The following TBC1D30 variants were observed in gnomAD, a reference collection of about 807,000 sequenced individuals.
The protein encoded by TBC1D30 is TBC1 domain family member 30, also known as TBC1 domain family, member 30.
TBC1D30 carries 31 observed loss-of-function variants against 63.2 expected under a neutral mutation model. That is an observed-to-expected ratio of 0.49 (90% CI 0.37 to 0.66). The LOEUF (loss-of-function observed/expected upper bound fraction) is 0.66. Ranked by LOEUF, TBC1D30 falls within the 30% of genes least tolerant of loss-of-function variation. The probability of loss-of-function intolerance (pLI) is 0.00; values close to 1 mark genes in which losing one functional copy is unlikely to be tolerated. For synonymous variants in TBC1D30, 307 were observed against 361.5 expected (o/e 0.85, Z 1.71); for missense variants, 810 against 953.6 (o/e 0.85, Z 1.98).
chr12:64,784,437 T>G (rs1278649849), intron 1 of TBC1D30, among the ~76,000 whole-genome samples: 2 of 152,048 alleles, frequency 1.3e-5, no homozygotes, highest in East Asian at 3.9e-4. Context: ...TTTCTACTTT[T>G]GAGCATTTAT....
Position 64,826,227 on chromosome 12 carries a change from G to T in TBC1D30, c.154+1194G>T, listed in dbSNP as rs140963986. 3.4e-4 allele frequency among the ~76,000 whole-genome samples: 52 copies of T among 152,300 alleles called. No individual in the cohort carries two copies. The East Asian group carries it at 7.7e-3, about 23-fold the overall frequency. ...GTGGGGTGAAAGTGACCTGGTTTAA[G>T]CTTTTGCATGCAGGCGGCGAATCAA... On this transcript the variant is annotated intron_variant, in intron 1 of 11. Transcript: ENST00000539867.
intron 1 of TBC1D30, among the ~76,000 whole-genome samples, chr12:64,784,607 A>C (rs1260341942): frequency 6.6e-6 from 1 of 150,888 alleles, no homozygotes; most frequent in East Asian, 1.9e-4. Context: ...ATCATATCAA[A>C]TGTGACCAAA....
intron 2 of TBC1D30, among the ~76,000 whole-genome samples, chr12:64,807,304 T>A (rs1319892775): frequency 6.6e-6 from 1 of 152,210 alleles, no homozygotes; most frequent in East Asian, 1.9e-4. Context: ...TCCTGAGGCC[T>A]CCACAGCCAT....
intron 2 of TBC1D30, among the ~76,000 whole-genome samples, chr12:64,806,066 C>T (rs1311154356): frequency 2.0e-5 from 3 of 152,164 alleles, no homozygotes; most frequent in Non-Finnish European, 2.9e-5. Context: ...TGTCATTGTT[C>T]ATTCAACCCC....
intron 7 of TBC1D30, among the ~76,000 whole-genome samples, chr12:64,842,894 C>T (rs1876005717): frequency 6.6e-6 from 1 of 152,110 alleles, no homozygotes; most frequent in Admixed American, 6.5e-5. Flanking sequence ...AAAACGAGTA[C>T]CTCAAAGTTG....
intron 2 of TBC1D30, among the ~76,000 whole-genome samples, chr12:64,798,266 A>G (rs1872394885): frequency 6.6e-6 from 1 of 152,248 alleles, no homozygotes. Context: ...TTACAGTATA[A>G]TAGTTCTAAT....
At chr12:64,818,947 A>T (rs888247101) in intron 2 of TBC1D30, among the ~76,000 whole-genome samples, 5 of 152,204 alleles carry the variant, frequency 3.3e-5, no homozygotes, top group Non-Finnish European at 4.4e-5. Context: ...TGAAGCAAGA[A>T]AATACTTAAC....
chr12:64,786,161 C>A, intron 2 of TBC1D30: 1 of 668,650 alleles, frequency 1.5e-6, no homozygotes. Context: ...AAGCTTATAC[C>A]CTCAGAACTA....
chr12:64,774,310 G>C (rs1204563540), intron 1 of TBC1D30, among the ~76,000 whole-genome samples: 1 of 152,180 alleles, frequency 6.6e-6, no homozygotes, highest in Non-Finnish European at 1.5e-5. Flanking sequence ...CTGAATCTTT[G>C]ACTGATTGGT....
chr12:64,870,729 T>C lies in TBC1D30; in HGVS notation c.1419T>C (p.Asp473=). 2 of 1,536,090 alleles carry C rather than the reference T, an allele frequency of 1.3e-6. No individual in the cohort carries two copies. The highest frequency in any genetic ancestry group is 1.7e-6 in the Non-Finnish European group (2 of 1,146,888). ...TGATGATGGAACGCATGACCACAGATATCAATGCACTGAAGCGGCAGTACT... is the reference window on the plus strand; with the variant it reads ...TGATGATGGAACGCATGACCACAGACATCAATGCACTGAAGCGGCAGTACT... The part of the protein sequence containing the change: ...NSMMMERMTT[D]INALKRQYSR... The change falls in exon 11 of 12, where the codon GAT becomes GAC. Residue 473 remains aspartate (D), a synonymous_variant. Coordinates refer to ENST00000539867, the MANE Select transcript of TBC1D30 (RefSeq NM_015279.2).
chr12:64,870,509 A>G, intron 10 of TBC1D30, 93 bp from the exon 11 acceptor site: 1 of 997,582 alleles, frequency 1.0e-6, no homozygotes, highest in South Asian at 1.5e-5. Context: ...CATGGAGGTT[A>G]AGATACCGCA....
intron 1 of TBC1D30, among the ~76,000 whole-genome samples, chr12:64,770,524 G>A (rs1445307062): frequency 6.6e-6 from 1 of 152,086 alleles, no homozygotes; most frequent in Non-Finnish European, 1.5e-5. Context: ...AACTGGCACT[G>A]GTCCCCACCT....
intron 8 of TBC1D30, among the ~76,000 whole-genome samples, chr12:64,845,424 G>C (rs1025031640): frequency 6.6e-5 from 10 of 152,220 alleles, no homozygotes; most frequent in Non-Finnish European, 1.5e-4. Context: ...ACCAAATTGC[G>C]GTTCAACAAT....
chr12:64,832,610 A>C (rs930379842), intron 5 of TBC1D30, among the ~76,000 whole-genome samples: 2 of 152,256 alleles, frequency 1.3e-5, no homozygotes, highest in African/African-American at 4.8e-5. Flanking sequence ...TAAAACAGCA[A>C]ATGTATTATC....
At position 64,838,396 on chromosome 12, in the gene TBC1D30, A is replaced by C. The variant is rs368401630; in HGVS notation, c.764-287A>C. Among the ~76,000 whole-genome samples the C allele has an allele frequency of 1.8e-4, 27 of 152,306 alleles. No homozygotes were observed. In the South Asian group the frequency reaches 5.6e-3, roughly 32 times the overall value. ...TTTTTCTTCTGTTTTTGGTGAGGAA[A>C]ACTTTCTCCTTAATTTTCAGCTCAC... On this transcript the variant is annotated intron_variant, in intron 6 of 11. Coordinates refer to ENST00000539867, the MANE Select transcript of TBC1D30 (RefSeq NM_015279.2).
intron 1 of TBC1D30, among the ~76,000 whole-genome samples, chr12:64,785,182 G>A (rs1432905376): frequency 1.4e-5 from 2 of 139,884 alleles, no homozygotes; most frequent in African/African-American, 2.7e-5. Context: ...ACGGAGTTTC[G>A]CTCTTGTTGC....
intron 2 of TBC1D30, among the ~76,000 whole-genome samples, chr12:64,787,758 G>A (rs975593495): frequency 1.3e-5 from 2 of 152,110 alleles, no homozygotes; most frequent in Admixed American, 1.3e-4. Context: ...GCTGCAGGCC[G>A]GGCATGGCGG....
At chr12:64,843,302 T>C in intron 7 of TBC1D30, 78 bp from the exon 8 acceptor site, 2 of 1,283,404 alleles carry the variant, frequency 1.6e-6, no homozygotes, top group East Asian at 2.6e-5. Flanking sequence ...GTCCAACATA[T>C]CTTATACCTG....
At chr12:64,800,300 G>A (rs1166599375) in intron 2 of TBC1D30, among the ~76,000 whole-genome samples, 1 of 152,176 alleles carries the variant, frequency 6.6e-6, no homozygotes, top group African/African-American at 2.4e-5. Context: ...GTTGAGACTG[G>A]AGTTTAGATT....
Sources: gnomAD v4.1 joint callset for allele counts (sites outside exome capture counted in the v4.1 genomes callset) on GRCh38, gnomAD v4.1.1 for gene constraint, MANE v1.5 for transcripts, NCBI Gene and HGNC (gene_info 2026-07-23, HGNC 2026-07-21) for gene names.